The following C2CD5 variants were observed in gnomAD, a reference collection of about 807,000 sequenced individuals.
C2CD5 encodes the protein C2 domain-containing protein 5.
A neutral mutation model predicts 130.3 loss-of-function variants in C2CD5; 109 were observed. The ratio of observed to expected loss-of-function variants is 0.84; its 90% CI spans 0.72 to 0.98. The LOEUF (loss-of-function observed/expected upper bound fraction) is 0.98. Ranked by LOEUF, C2CD5 falls within the 50% of genes least tolerant of loss-of-function variation. The pLI is 0.00. For missense variants in C2CD5, 996 were observed against 1,261.8 expected, an observed-to-expected ratio of 0.79 and a Z score of 3.19; for synonymous variants, 454 against 429.2, an observed-to-expected ratio of 1.06 and a Z score of -0.71.
intron 4 of C2CD5, 136 bp downstream of exon 4, chr12:22,527,585 T>A: frequency 2.1e-6 from 1 of 485,904 alleles, no homozygotes; most frequent in Non-Finnish European, 3.5e-6. Flanking sequence ...CCCAAAGTGC[T>A]GGGATTACAG....
intron 2 of C2CD5, 87 bp downstream of exon 2, chr12:22,543,974 T>C (rs1010411005): frequency 3.0e-6 from 3 of 1,003,362 alleles, no homozygotes; most frequent in Admixed American, 1.8e-5. Context: ...GAGGGGGGAA[T>C]AGGCTGAGGG....
At chr12:22,458,731 T>G (rs999967139) in intron 23 of C2CD5, 146 bp from the exon 24 acceptor site, 2 of 377,942 alleles carry the variant, frequency 5.3e-6, no homozygotes, top group South Asian at 1.4e-4. Flanking sequence ...ATAAGAGAGA[T>G]AGTAAAGAGT....
Position 22,474,835 on chromosome 12 carries a change from T to C in C2CD5, c.1959A>G (p.Arg653=), listed in dbSNP as rs1313860287. 2.5e-6 allele frequency: 4 copies of C among 1,608,814 alleles called. No individual in the cohort carries two copies. The Admixed American group carries it at 5.0e-5, about 20-fold the overall frequency. The part of the protein sequence containing the change: ...SPIPEPRQRS[R]LLRSQSESSD... ...AGCTTTCTGATTGAGATCTTAGAAG[T>C]CTTGAGCGTTGCCTAGGTTCTGGGA... The change falls in exon 16 of 27, where the codon AGA becomes AGG. Residue 653 remains arginine, a synonymous_variant. Transcript: ENST00000446597.
At chr12:22,489,493 AATG>A (rs1241516697) in intron 12 of C2CD5, among the ~76,000 whole-genome samples, 1 of 152,086 alleles carries the variant, frequency 6.6e-6, no homozygotes, top group East Asian at 1.9e-4. Context: ...ATGAAAATGA[AATG>A]ATGAACAGGT....
chr12:22,532,286 C>T (rs1951355399), intron 3 of C2CD5, among the ~76,000 whole-genome samples: 2 of 151,536 alleles, frequency 1.3e-5, no homozygotes, highest in Non-Finnish European at 2.9e-5. Flanking sequence ...GCCAAGATCC[C>T]ACCATTGCCC....
chr12:22,526,302 T>G (rs1033499591), intron 4 of C2CD5, among the ~76,000 whole-genome samples: 10 of 152,204 alleles, frequency 6.6e-5, no homozygotes, highest in African/African-American at 2.4e-4. Flanking sequence ...CAACATTTGC[T>G]GAGCACTGAT....
At chr12:22,518,329 G>T (rs879210227) in intron 7 of C2CD5, among the ~76,000 whole-genome samples, 192 bp from the exon 8 acceptor site, 2 of 152,036 alleles carry the variant, frequency 1.3e-5, no homozygotes, top group African/African-American at 4.8e-5. Context: ...AATATTATCT[G>T]CATTGAAACA....
intron 2 of C2CD5, among the ~76,000 whole-genome samples, chr12:22,540,259 G>A (rs1952232799): frequency 6.6e-6 from 1 of 152,114 alleles, no homozygotes; most frequent in Admixed American, 6.5e-5. Flanking sequence ...ACATAGGCGA[G>A]GCACTCCCTA....
In C2CD5 at chr12:22,506,689, T is replaced by C. The variant is rs201865065; in HGVS notation, c.1147+22A>G. The C allele has an allele frequency of 1.1e-3, 1,407 of 1,309,980 alleles. 1 individual carries two copies. The highest frequency in any genetic ancestry group is 1.3e-3 in the Non-Finnish European group (1,222 of 914,568). 81.1% of individuals were successfully genotyped at this position (1,309,980 alleles called of 1,614,324 possible). On this transcript the variant is annotated intron_variant, in intron 10 of 26. Transcript: ENST00000446597. ...AACCACAATTTAAATAAAGGAAACATTGAAACTTTTTAAGAACATACCAGG... is the reference window on the plus strand; with the variant it reads ...AACCACAATTTAAATAAAGGAAACACTGAAACTTTTTAAGAACATACCAGG...
rs564000187 is a variant in C2CD5 at position 22,471,820 on chromosome 12, T to A, written c.2268+147A>T. Reference sequence around the variant, plus strand: ...TAAGGGGGAGAGGACAACTTTAGTATCTCACCCGCTGATAGAGGTAAGGTA... The same window carrying A: ...TAAGGGGGAGAGGACAACTTTAGTAACTCACCCGCTGATAGAGGTAAGGTA... On this transcript the variant is annotated intron_variant, in intron 19 of 26. Coordinates refer to ENST00000446597, the MANE Select transcript of C2CD5 (RefSeq NM_001286176.2). 5.7e-5 allele frequency: 33 copies of A among 575,274 alleles called. No individual in the cohort carries two copies. The East Asian group carries it at 9.9e-4, about 17-fold the overall frequency. The allele number at this position is 575,274 out of a possible 1,614,324, so 35.6% of individuals were successfully genotyped here. A position where few individuals can be genotyped will look rare whatever the true frequency, so the allele number is the denominator to read the frequency against.
At chr12:22,451,770 G>C (rs978296340) in intron 26 of C2CD5, among the ~76,000 whole-genome samples, 5 of 151,986 alleles carry the variant, frequency 3.3e-5, no homozygotes, top group Non-Finnish European at 5.9e-5. Context: ...GGAGAGGTGA[G>C]GGGGGCAACA....
chr12:22,502,817 C>T, intron 10 of C2CD5: 1 of 1,498,592 alleles, frequency 6.7e-7, no homozygotes, highest in Non-Finnish European at 9.0e-7. Flanking sequence ...GAGTTCAAAA[C>T]AGCAAATTAG....
At chr12:22,493,038 C>T (rs928581818) in intron 11 of C2CD5, among the ~76,000 whole-genome samples, 185 bp downstream of exon 11, 1 of 152,144 alleles carries the variant, frequency 6.6e-6, no homozygotes, top group African/African-American at 2.4e-5. Flanking sequence ...AGTTAAATAA[C>T]TTTCTCAAAG....
At chr12:22,472,135 C>A (rs1448377495) in intron 18 of C2CD5, 70 bp from the exon 19 acceptor site, 4 of 990,854 alleles carry the variant, frequency 4.0e-6, no homozygotes, top group Admixed American at 2.1e-5. Context: ...TGATAAATTG[C>A]CAAATAATGA....
chr12:22,472,994 A>G (rs967021484), intron 16 of C2CD5, among the ~76,000 whole-genome samples, 187 bp from the exon 17 acceptor site: 1 of 152,156 alleles, frequency 6.6e-6, no homozygotes, highest in African/African-American at 2.4e-5. Context: ...TCCAAGTGAA[A>G]TATTTTACGT....
At chr12:22,541,628 C>T (rs1303657606) in intron 2 of C2CD5, among the ~76,000 whole-genome samples, 1 of 152,196 alleles carries the variant, frequency 6.6e-6, no homozygotes, top group East Asian at 1.9e-4. Flanking sequence ...CCCCTACACA[C>T]ACAAATATGC....
chr12:22,485,956 T>C (rs1945438366), intron 12 of C2CD5, among the ~76,000 whole-genome samples: 1 of 152,040 alleles, frequency 6.6e-6, no homozygotes, highest in South Asian at 2.1e-4. Context: ...AGAAAACAAG[T>C]ACTTTGCAAC....
intron 2 of C2CD5, among the ~76,000 whole-genome samples, chr12:22,543,261 G>C (rs1344931575): frequency 6.6e-6 from 1 of 152,192 alleles, no homozygotes; most frequent in Non-Finnish European, 1.5e-5. Flanking sequence ...TTCAGACTCT[G>C]GGTTATTACC....
intron 21 of C2CD5, among the ~76,000 whole-genome samples, chr12:22,470,274 T>C (rs948816057): frequency 2.0e-5 from 3 of 152,140 alleles, no homozygotes; most frequent in African/African-American, 7.2e-5. Flanking sequence ...AATATTTCAT[T>C]TAGCCAGTAA....
Sources: allele counts gnomAD v4.1 joint callset (sites outside exome capture counted in the v4.1 genomes callset), GRCh38; gene constraint gnomAD v4.1.1; transcripts MANE v1.5; gene names NCBI Gene and HGNC (gene_info 2026-07-23, HGNC 2026-07-21).